The following GRIK5 variants were observed in gnomAD, a reference collection of about 807,000 sequenced individuals.
GRIK5 encodes the protein glutamate ionotropic receptor kainate type subunit 5, also known as glutamate receptor ionotropic, kainate 5.
Under a neutral mutation model 97.4 loss-of-function variants are expected in GRIK5, and 43 were observed. That is an observed-to-expected ratio of 0.44 (90% CI 0.35 to 0.57). The LOEUF (loss-of-function observed/expected upper bound fraction) is 0.57, where lower values mean the gene tolerates loss of function less well. Ranked by LOEUF, GRIK5 falls within the 20% of genes least tolerant of loss-of-function variation. The pLI, the probability that GRIK5 is intolerant of heterozygous loss-of-function variation, is 0.01. For missense variants in GRIK5, 1,015 were observed against 1,382.0 expected (o/e 0.73, Z 4.21); for synonymous variants, 580 against 583.5 (o/e 0.99, Z 0.09).
rs1157462086 is a variant in GRIK5, at chr19:42,002,459, C to A, written c.2514+873G>T. ...GCAACCTGGACACGGGTGGAGGGCACCTTTACTAGCAGCATGGACGGCTCC... is the reference window on the plus strand; with the variant it reads ...GCAACCTGGACACGGGTGGAGGGCAACTTTACTAGCAGCATGGACGGCTCC... On this transcript the variant is annotated intron_variant, in intron 19 of 19. Transcript: ENST00000593562. The surrounding 1 kb of genome is among the most constrained non-coding windows in gnomAD (Gnocchi z 5.2). 2 of 717,624 alleles carry A rather than the reference C, an allele frequency of 2.8e-6. No homozygotes were observed. The highest frequency in any genetic ancestry group is 5.2e-6 in the Non-Finnish European group (2 of 385,078). The allele number at this position is 717,624 out of a possible 1,614,324, so 44.5% of individuals were successfully genotyped here.
intron 15 of GRIK5, among the ~76,000 whole-genome samples, chr19:42,009,767 C>CAA (rs1171061442): frequency 7.4e-4 from 47 of 63,178 alleles, no homozygotes; most frequent in African/African-American, 2.2e-3. Flanking sequence ...GACTTTGTCT[C>CAA]AAAAAAAAAA....
In GRIK5 at chr19:42,021,889, A is replaced by G; in HGVS notation, c.1697+58T>C. 1 of 1,176,172 alleles carries G rather than the reference A, an allele frequency of 8.5e-7. No individual in the cohort carries two copies. Among genetic ancestry groups the G allele is most frequent in the Non-Finnish European group, 1.2e-6 (1 of 801,086 alleles). 72.9% of individuals were successfully genotyped at this position (1,176,172 alleles called of 1,614,324 possible). On this transcript the variant is annotated intron_variant, in intron 14 of 19. Transcript: ENST00000593562. The surrounding 1 kb of genome is among the most constrained non-coding windows in gnomAD (Gnocchi z 4.2). ...GAGAGAGAAGAGGCAGGTCGGTCCCAGAGGCCTCGGCTCGTGCCTCCTCCA... is the reference window on the plus strand; with the variant it reads ...GAGAGAGAAGAGGCAGGTCGGTCCCGGAGGCCTCGGCTCGTGCCTCCTCCA...
intron 11 of GRIK5, among the ~76,000 whole-genome samples, chr19:42,048,874 T>C (rs976297607): frequency 1.3e-5 from 2 of 151,246 alleles, no homozygotes; most frequent in Non-Finnish European, 3.0e-5. Flanking sequence ...CCCTGTCAAT[T>C]AAAAAAAATT....
In GRIK5 at chr19:42,053,701, C is replaced by T; in HGVS notation, c.1170G>A (p.Val390=). The part of the protein sequence containing the change: ...KSRQGHREIG[V]WYSNRTLAMN... ...TGGCCAGGGTGCGGTTAGAGTACCACACCCCAATCTAGGGGGCAGAGAGGG... is the reference window on the plus strand; with the variant it reads ...TGGCCAGGGTGCGGTTAGAGTACCATACCCCAATCTAGGGGGCAGAGAGGG... The change falls in exon 11 of 20, where the codon GTG becomes GTA. Residue 390 remains valine (V), a synonymous_variant. Coordinates refer to ENST00000593562, the MANE Select transcript of GRIK5 (RefSeq NM_002088.5). The T allele has an allele frequency of 6.2e-7, 1 of 1,607,242 alleles. No individual in the cohort carries two copies. Among genetic ancestry groups the T allele is most frequent in the Non-Finnish European group, 8.5e-7 (1 of 1,173,692 alleles).
intron 1 of GRIK5, chr19:42,068,950 CA>C (rs2076382713): frequency 1.6e-6 from 1 of 622,324 alleles, no homozygotes; most frequent in African/African-American, 1.8e-5. Context: ...ACGGACATGC[CA>C]GGGGCCCGGG....
Position 42,022,417 on chromosome 19 carries a change from T to C in GRIK5, c.1474-63A>G. 1 of 1,528,632 alleles carries C rather than the reference T, an allele frequency of 6.5e-7. No individual in the cohort carries two copies. The highest frequency in any genetic ancestry group is 1.1e-5 in the South Asian group (1 of 87,536). 94.7% of individuals were successfully genotyped at this position (1,528,632 alleles called of 1,614,324 possible). A position where few individuals can be genotyped will look rare whatever the true frequency, so the allele number is the denominator to read the frequency against. On this transcript the variant is annotated intron_variant, in intron 12 of 19. Coordinates refer to ENST00000593562, the MANE Select transcript of GRIK5 (RefSeq NM_002088.5). This position sits in a 1 kb window ranked among gnomAD's most constrained non-coding sequence, Gnocchi z 4.2. ...AGAGGGGAAGACAGAAGTGGACAGT[T>C]AGAGAGAAATGCACGGAGAGTGAGC...
At chr19:42,044,542 A>T (rs2076019633) in intron 11 of GRIK5, among the ~76,000 whole-genome samples, 1 of 152,242 alleles carries the variant, frequency 6.6e-6, no homozygotes, top group East Asian at 1.9e-4. Flanking sequence ...AACAAATGGG[A>T]AACTTATCTG....
At chr19:42,031,733 T>C (rs1382850334) in intron 12 of GRIK5, among the ~76,000 whole-genome samples, 1 of 152,216 alleles carries the variant, frequency 6.6e-6, no homozygotes, top group Non-Finnish European at 1.5e-5. Context: ...TTCAACAAAA[T>C]ATCACGAAAG....
intron 11 of GRIK5, among the ~76,000 whole-genome samples, chr19:42,043,856 G>A (rs2076010115): frequency 6.6e-6 from 1 of 152,168 alleles, no homozygotes; most frequent in Admixed American, 6.5e-5. Context: ...GCTGCAGTGA[G>A]CTATGACTGT....
chr19:42,023,152 G>A (rs2075723654), intron 12 of GRIK5, among the ~76,000 whole-genome samples: 1 of 151,840 alleles, frequency 6.6e-6, no homozygotes, highest in Non-Finnish European at 1.5e-5. Flanking sequence ...GGGGAGAAAG[G>A]ACACAGACCC....
chr19:42,033,383 A>G (rs2075863632), intron 12 of GRIK5, among the ~76,000 whole-genome samples: 1 of 151,956 alleles, frequency 6.6e-6, no homozygotes, highest in Non-Finnish European at 1.5e-5. Flanking sequence ...ATGAACTTTG[A>G]AAAGTTGGAA....
chr19:42,051,212 G>A (rs1007389654), intron 11 of GRIK5, among the ~76,000 whole-genome samples: 5 of 152,036 alleles, frequency 3.3e-5, no homozygotes, highest in Admixed American at 1.3e-4. Context: ...TGAGGAGGGC[G>A]GGCCTATGCA....
At position 42,042,466 on chromosome 19, in the gene GRIK5, T is replaced by C; in HGVS notation, c.1473+86A>G. ...CCTCTTCTGCCACCAGCCAGGCTGC[T>C]TCTGAGGTTCGACTGGCTGCCCAGC... On this transcript the variant is annotated intron_variant, in intron 12 of 19. Transcript: ENST00000593562. This position sits in a 1 kb window ranked among gnomAD's most constrained non-coding sequence, Gnocchi z 6.9. 8.3e-7 allele frequency: 1 copy of C among 1,211,798 alleles called. No individual in the cohort carries two copies. The highest frequency in any genetic ancestry group is 1.2e-6 in the Non-Finnish European group (1 of 851,720). The allele number at this position is 1,211,798 out of a possible 1,614,324, so 75.1% of individuals were successfully genotyped here.
Position 42,003,829 on chromosome 19 carries a change from C to G in GRIK5, c.2264-146G>C. 1.3e-6 allele frequency: 1 copy of G among 777,244 alleles called. No homozygotes were observed. Among genetic ancestry groups the G allele is most frequent in the East Asian group, 2.8e-5 (1 of 36,262 alleles). 48.1% of individuals were successfully genotyped at this position (777,244 alleles called of 1,614,324 possible). On this transcript the variant is annotated intron_variant, in intron 17 of 19. Transcript: ENST00000593562. The surrounding 1 kb of genome is among the most constrained non-coding windows in gnomAD (Gnocchi z 4.2). ...CCTGCAGCCTCTCCTCACCCCCAGC[C>G]CAGTCTCCTCTCAACACAGCAGCCA... is the stretch of plus-strand genomic sequence containing the variant.
Position 42,062,538 on chromosome 19 carries a change from A to T in GRIK5, c.458T>A (p.Leu153His). ...GGCCGAGGGGTAGTTGAAGGACTTGAGGATTCGGGAGACCGCCAAGCTGAC... is the reference window on the plus strand; with the variant it reads ...GGCCGAGGGGTAGTTGAAGGACTTGTGGATTCGGGAGACCGCCAAGCTGAC... ...EDVSLAVSRI[L>H]KSFNYPSASL... The change falls in exon 5 of 20, where the codon CTC (leucine) becomes CAC (histidine). Residue 153 changes from leucine to histidine, a missense_variant. By Grantham distance (99) the Leu-to-His change is moderately conservative (BLOSUM62 -3). Coordinates refer to ENST00000593562, the MANE Select transcript of GRIK5 (RefSeq NM_002088.5). The surrounding 1 kb of genome is among the most constrained non-coding windows in gnomAD (Gnocchi z 5.3). 1 of 1,614,152 alleles carries T rather than the reference A, an allele frequency of 6.2e-7. No individual in the cohort carries two copies. The highest frequency in any genetic ancestry group is 8.5e-7 in the Non-Finnish European group (1 of 1,180,010).
chr19:42,068,950 C>T (rs1326493873), intron 1 of GRIK5: 1 of 622,324 alleles, frequency 1.6e-6, no homozygotes, highest in African/African-American at 1.8e-5. Context: ...ACGGACATGC[C>T]AGGGGCCCGG....
chr19:42,021,097 G>A lies in GRIK5; in HGVS notation c.1871+204C>T, dbSNP rs1024322360. The stretch of plus-strand genomic sequence containing the variant: ...TTCAGGGAGGTCACTGAGGCAAAGG[G>A]AGGGTTGCGGTCTGGCCAAGCTCAC... On this transcript the variant is annotated intron_variant, in intron 15 of 19. Transcript: ENST00000593562. The surrounding 1 kb of genome is among the most constrained non-coding windows in gnomAD (Gnocchi z 4.2). Among the ~76,000 whole-genome samples the A allele has an allele frequency of 6.6e-5, 10 of 152,178 alleles. No individual in the cohort carries two copies. The highest frequency in any genetic ancestry group is 2.4e-4 in the African/African-American group (10 of 41,432).
chr19:42,045,334 C>T (rs1229209396), intron 11 of GRIK5, among the ~76,000 whole-genome samples: 1 of 152,192 alleles, frequency 6.6e-6, no homozygotes. Flanking sequence ...TTTAAGGAAG[C>T]CCAGGCTGGC....
At chr19:42,036,452 A>T (rs928931946) in intron 12 of GRIK5, among the ~76,000 whole-genome samples, 1 of 152,094 alleles carries the variant, frequency 6.6e-6, no homozygotes, top group Non-Finnish European at 1.5e-5. Context: ...TCCCAGACTC[A>T]GGTGATCCTC....
Sources: gnomAD v4.1 joint callset for allele counts (sites outside exome capture counted in the v4.1 genomes callset) on GRCh38, gnomAD v4.1.1 for gene constraint, Gnocchi (gnomAD v3.1) non-coding constraint, MANE v1.5 for transcripts, NCBI Gene and HGNC (gene_info 2026-07-23, HGNC 2026-07-21) for gene names.